Variants in PPARGC1B observed in about 807,000 individuals in gnomAD.
The protein encoded by PPARGC1B is peroxisome proliferator-activated receptor gamma coactivator 1-beta.
PPARGC1B carries 34 observed loss-of-function variants against 101.6 expected under a neutral mutation model. The ratio of observed to expected loss-of-function variants is 0.33; its 90% confidence interval spans 0.25 to 0.45. The LOEUF (loss-of-function observed/expected upper bound fraction) is 0.45. PPARGC1B is among the 20% of genes least tolerant of loss of function. The pLI is 1.00. For missense variants in PPARGC1B, 1,234 were observed against 1,317.6 expected (o/e 0.94, Z 0.98); for synonymous variants, 548 against 539.3 (o/e 1.02, Z -0.22).
intron 1 of PPARGC1B, among the ~76,000 whole-genome samples, chr5:149,755,046 CATATACAT>C (rs1384976087): frequency 9.5e-6 from 1 of 105,588 alleles, no homozygotes; most frequent in African/African-American, 4.0e-5. Flanking sequence ...TATACATATA[CATATACAT>C]ATATATATAT....
Position 149,831,021 on chromosome 5 carries a change from T to C in PPARGC1B, c.582+138T>C, listed in dbSNP as rs181650360. The stretch of plus-strand genomic sequence containing the variant: ...CCCACAGCCCTTGTAGCTGGTGTCC[T>C]GGGCACTGCTTCTGGAGATCCAGCC... On this transcript the variant is annotated intron_variant, in intron 4 of 11. Coordinates refer to ENST00000309241, the MANE Select transcript of PPARGC1B (RefSeq NM_133263.4). The C allele has an allele frequency of 1.6e-4, 111 of 685,772 alleles. No homozygotes were observed. The African/African-American group carries it at 1.7e-3, about 11-fold the overall frequency. 42.5% of individuals were successfully genotyped at this position (685,772 alleles called of 1,614,324 possible).
chr5:149,766,754 T>C (rs568735692), intron 1 of PPARGC1B, among the ~76,000 whole-genome samples: 1 of 152,174 alleles, frequency 6.6e-6, no homozygotes, highest in Non-Finnish European at 1.5e-5. Flanking sequence ...TAAAGGCAAA[T>C]ATGGGGTGAT....
chr5:149,784,241 G>C (rs1339692837), intron 1 of PPARGC1B, among the ~76,000 whole-genome samples: 1 of 152,000 alleles, frequency 6.6e-6, no homozygotes, highest in Non-Finnish European at 1.5e-5. Context: ...TCCTACCCTT[G>C]AATATAGATC....
At chr5:149,856,978 G>T (rs555996950), downstream of PPARGC1B, among the ~76,000 whole-genome samples, 5 of 151,966 alleles carry the variant, frequency 3.3e-5, no homozygotes, top group South Asian at 8.3e-4. Flanking sequence ...CACCATGTTC[G>T]CCAGACTGGT....
chr5:149,857,188 G>T (rs919986707), downstream of PPARGC1B, among the ~76,000 whole-genome samples: 1 of 152,178 alleles, frequency 6.6e-6, no homozygotes, highest in Admixed American at 6.5e-5. Flanking sequence ...GCTAGTAACA[G>T]TTTCTCCCTT....
At chr5:149,839,724 A>C (rs899892599) in intron 8 of PPARGC1B, among the ~76,000 whole-genome samples, 1 of 152,224 alleles carries the variant, frequency 6.6e-6, no homozygotes, top group Non-Finnish European at 1.5e-5. Context: ...ATAATAAAGC[A>C]AAAGGGCTTT....
At chr5:149,839,992 A>C in intron 8 of PPARGC1B, 49 bp from the exon 9 acceptor site, 26 of 1,543,868 alleles carry the variant, frequency 1.7e-5, no homozygotes, top group African/African-American at 2.7e-5. Flanking sequence ...CCCCACCCCC[A>C]TGGTATCTCC....
At chr5:149,777,555 G>T (rs1756413504) in intron 1 of PPARGC1B, among the ~76,000 whole-genome samples, 1 of 152,076 alleles carries the variant, frequency 6.6e-6, no homozygotes, top group African/African-American at 2.4e-5. Flanking sequence ...TCCCACGCAG[G>T]CAGGGAAGAG....
chr5:149,829,408 G>A (rs1758654180), intron 3 of PPARGC1B, among the ~76,000 whole-genome samples: 1 of 152,076 alleles, frequency 6.6e-6, no homozygotes, highest in Admixed American at 6.6e-5. Context: ...GTTTAGGTGG[G>A]GTAGCCAGGA....
chr5:149,744,847 T>TG (rs1755030676), intron 1 of PPARGC1B, among the ~76,000 whole-genome samples: 1 of 151,938 alleles, frequency 6.6e-6, no homozygotes, highest in Non-Finnish European at 1.5e-5. Flanking sequence ...CAGTGGCACT[T>TG]GCGCTTAGTG....
At chr5:149,734,510 G>A (rs949192687) in intron 1 of PPARGC1B, among the ~76,000 whole-genome samples, 2 of 151,666 alleles carry the variant, frequency 1.3e-5, no homozygotes, top group East Asian at 1.9e-4. Context: ...AGATTGAACC[G>A]AGATGTATTT....
At position 149,755,031 on chromosome 5, in the gene PPARGC1B, C is replaced by CTACATA. The variant is rs1179338829; in HGVS notation, c.78+24632_78+24637dup. 6.1e-3 allele frequency among the ~76,000 whole-genome samples: 730 copies of CTACATA among 119,718 alleles called. 6 individuals are homozygous for CTACATA. The highest frequency in any genetic ancestry group is 0.011 in the Non-Finnish European group (619 of 58,714). The allele number at this position is 119,718 out of a possible 152,430, so 78.5% of individuals were successfully genotyped here. On this transcript the variant is annotated intron_variant, in intron 1 of 11. Transcript: ENST00000309241. ...ATATATATATACCCACACATATACA[C>CTACATA]TACATATACATATACATATACATAT...
intron 1 of PPARGC1B, among the ~76,000 whole-genome samples, chr5:149,798,369 C>T (rs1052390758): frequency 6.6e-6 from 1 of 152,212 alleles, no homozygotes; most frequent in Non-Finnish European, 1.5e-5. Flanking sequence ...TTTTATAATA[C>T]AAGAATGTTC....
rs76990344 is a variant in PPARGC1B at position 149,810,808 on chromosome 5, C to T, written c.79-9625C>T. 7.7e-3 allele frequency among the ~76,000 whole-genome samples: 726 copies of T among 94,264 alleles called. 3 individuals carry two copies. Among genetic ancestry groups the T allele is most frequent in the Non-Finnish European group, 0.013 (584 of 44,010 alleles). 61.8% of individuals were successfully genotyped at this position (94,264 alleles called of 152,430 possible). A position where few individuals can be genotyped will look rare whatever the true frequency, so the allele number is the denominator to read the frequency against. Reference sequence around the variant, plus strand: ...TGGATCTCGGGTGACTCCCTCTTCCCGCTTTCTCAGCCTCAATGTCTTAAT... The same window carrying T: ...TGGATCTCGGGTGACTCCCTCTTCCTGCTTTCTCAGCCTCAATGTCTTAAT... On this transcript the variant is annotated intron_variant, in intron 1 of 11. Transcript: ENST00000309241.
At chr5:149,797,850 GGCAGAGGTT>G (rs1433219479) in intron 1 of PPARGC1B, among the ~76,000 whole-genome samples, 1 of 152,172 alleles carries the variant, frequency 6.6e-6, no homozygotes, top group Non-Finnish European at 1.5e-5. Context: ...GAATCTGGGA[GGCAGAGGTT>G]GCAGTGAGCC....
At chr5:149,791,064 G>T (rs1303377377) in intron 1 of PPARGC1B, among the ~76,000 whole-genome samples, 1 of 151,958 alleles carries the variant, frequency 6.6e-6, no homozygotes, top group Admixed American at 6.6e-5. Context: ...CAAGGCGGGC[G>T]GATCACTTGA....
intron 1 of PPARGC1B, among the ~76,000 whole-genome samples, chr5:149,748,417 T>A (rs117631532): frequency 1.3e-5 from 2 of 152,148 alleles, no homozygotes; most frequent in East Asian, 3.9e-4. Context: ...GGTGTTATGA[T>A]CAATAATAAT....
chr5:149,757,148 CCT>C (rs1755559914), intron 1 of PPARGC1B, among the ~76,000 whole-genome samples: 1 of 152,198 alleles, frequency 6.6e-6, no homozygotes, highest in Non-Finnish European at 1.5e-5. Flanking sequence ...GGTCCAGACG[CCT>C]CTCTGCAATG....
chr5:149,852,561 A>G lies in PPARGC1B; in HGVS notation c.*5003A>G, dbSNP rs1244187733. 2.0e-5 allele frequency: 3 copies of G among 152,202 alleles called. No homozygotes were observed. Among genetic ancestry groups the G allele is most frequent in the African/African-American group, 4.8e-5 (2 of 41,440 alleles). 9.4% of individuals were successfully genotyped at this position (152,202 alleles called of 1,614,324 possible). On this transcript the variant is annotated 3_prime_UTR_variant, in exon 12 of 12. Transcript: ENST00000309241. ...CTAAGCCATAGTTTCTAGTGGGGACAGTAAGGAATTAAACCCCCAACTTGG... is the reference window on the plus strand; with the variant it reads ...CTAAGCCATAGTTTCTAGTGGGGACGGTAAGGAATTAAACCCCCAACTTGG...
Sources: gnomAD v4.1 joint callset for allele counts (sites outside exome capture counted in the v4.1 genomes callset) on GRCh38, gnomAD v4.1.1 for gene constraint, MANE v1.5 for transcripts, NCBI Gene and HGNC (gene_info 2026-07-23, HGNC 2026-07-21) for gene names.